The following TRMT9B variants were observed in gnomAD, a reference collection of about 807,000 sequenced individuals.
The protein encoded by TRMT9B is probable tRNA methyltransferase 9B.
A neutral mutation model predicts 11.5 loss-of-function variants in TRMT9B; 16 were observed. The observed-to-expected ratio is 1.39, with a 90% CI of 0.94 to 2.11. TRMT9B has a LOEUF of 2.11. Ranked by LOEUF, TRMT9B falls within the 30% of genes most tolerant of loss-of-function variation. The probability of loss-of-function intolerance (pLI) is 0.00; values close to 1 mark genes in which losing one functional copy is unlikely to be tolerated. For missense variants in TRMT9B, 941 were observed against 553.8 expected (o/e 1.70, Z -7.02); for synonymous variants, 274 against 192.4 (o/e 1.42, Z -3.51).
intron 4 of TRMT9B, among the ~76,000 whole-genome samples, chr8:13,019,365 C>T (rs897093744): frequency 6.6e-6 from 1 of 152,292 alleles, no homozygotes; most frequent in African/African-American, 2.4e-5. Context: ...GATCATGGCC[C>T]ACTGCAAACT....
At chr8:13,020,562 T>A (rs1388204206) in intron 4 of TRMT9B, among the ~76,000 whole-genome samples, 2 of 152,212 alleles carry the variant, frequency 1.3e-5, no homozygotes, top group Non-Finnish European at 2.9e-5. Flanking sequence ...GCTATTACTT[T>A]AGAAGTACAA....
At chr8:12,976,577 TA>T (rs1804487127) in intron 1 of TRMT9B, among the ~76,000 whole-genome samples, 1 of 151,832 alleles carries the variant, frequency 6.6e-6, no homozygotes, top group Non-Finnish European at 1.5e-5. Context: ...CTGTCTCTAC[TA>T]AAAATACAAA....
chr8:12,976,368 C>CT (rs34578022), intron 1 of TRMT9B, among the ~76,000 whole-genome samples: 59,378 of 149,368 alleles, frequency 0.4, 12,293 homozygotes, highest in Middle Eastern at 0.56. Context: ...TTATGCTTTA[C>CT]TTTTTTTTTT....
At chr8:13,001,465 C>T (rs1299241092) in intron 2 of TRMT9B, among the ~76,000 whole-genome samples, 1 of 152,124 alleles carries the variant, frequency 6.6e-6, no homozygotes, top group African/African-American at 2.4e-5. Context: ...TTTTATAAAC[C>T]ATCTTAGAAG....
intron 1 of TRMT9B, among the ~76,000 whole-genome samples, chr8:12,976,231 A>G (rs1585164053): frequency 6.6e-6 from 1 of 152,294 alleles, no homozygotes; most frequent in African/African-American, 2.4e-5. Context: ...TAACAAAGCC[A>G]CTTTCCCAGC....
At chr8:12,952,190 C>A in intron 1 of TRMT9B, 1 of 454,626 alleles carries the variant, frequency 2.2e-6, no homozygotes, top group Non-Finnish European at 4.4e-6. Context: ...CCACACCGTG[C>A]GGAAAGCGCC....
At chr8:13,009,565 A>G (rs1229231859) in intron 3 of TRMT9B, among the ~76,000 whole-genome samples, 3 of 152,102 alleles carry the variant, frequency 2.0e-5, no homozygotes, top group African/African-American at 7.2e-5. Flanking sequence ...GATCTTTTTG[A>G]GATGTTTTAT....
At position 12,990,442 on chromosome 8, in the gene TRMT9B, T is replaced by C. The variant is rs75100930; in HGVS notation, c.-199-392T>C. ...CTTATCAAAGTGACAAGAAAGTAGCTAGTAATATGGAAAATATTGAGCAGT... is the reference window on the plus strand; with the variant it reads ...CTTATCAAAGTGACAAGAAAGTAGCCAGTAATATGGAAAATATTGAGCAGT... On this transcript the variant is annotated intron_variant, in intron 1 of 4. Coordinates refer to ENST00000524591, the MANE Select transcript of TRMT9B (RefSeq NM_020844.3). Among the ~76,000 whole-genome samples the C allele has an allele frequency of 2.4e-3, 362 of 152,248 alleles. 7 individuals are homozygous for C. The East Asian group carries it at 0.044, about 19-fold the overall frequency.
At position 12,980,801 on chromosome 8, in the gene TRMT9B, A is replaced by T. The variant is rs550692800; in HGVS notation, c.-199-10033A>T. 1.5e-4 allele frequency among the ~76,000 whole-genome samples: 23 copies of T among 152,212 alleles called. 1 individual carries two copies. In the South Asian group the frequency reaches 1.7e-3, roughly 11 times the overall value. On this transcript the variant is annotated intron_variant, in intron 1 of 4. Coordinates refer to ENST00000524591, the MANE Select transcript of TRMT9B (RefSeq NM_020844.3). The stretch of plus-strand genomic sequence containing the variant: ...ATTCCAGGCAGAGAGGGAACAGACA[A>T]GCAAAAAGCATGAAGGTATCAAATG...
At chr8:13,011,508 G>T (rs1811606401) in intron 3 of TRMT9B, 2 of 968,846 alleles carry the variant, frequency 2.1e-6, no homozygotes, top group African/African-American at 1.8e-5. Flanking sequence ...ACAAATATAG[G>T]CTCTAATGAT....
In TRMT9B at chr8:12,989,317, C is replaced by T. The variant is rs555267518; in HGVS notation, c.-199-1517C>T. Among the ~76,000 whole-genome samples the T allele has an allele frequency of 1.6e-4, 24 of 152,280 alleles. 1 individual carries two copies. Among genetic ancestry groups the T allele is most frequent in the Admixed American group, 7.2e-4 (11 of 15,292 alleles). On this transcript the variant is annotated intron_variant, in intron 1 of 4. Coordinates refer to ENST00000524591, the MANE Select transcript of TRMT9B (RefSeq NM_020844.3). ...GAATTCAACTCCTTTTAGATATATA[C>T]GACCCCATTCTATCTTTGCCCAGTA...
chr8:13,015,033 T>G (rs945733991), intron 4 of TRMT9B, among the ~76,000 whole-genome samples: 1 of 151,330 alleles, frequency 6.6e-6, no homozygotes, highest in Non-Finnish European at 1.5e-5. Context: ...CACTCCAGCC[T>G]AAGCAACAGA....
At chr8:12,998,636 T>C (rs567947668) in intron 2 of TRMT9B, among the ~76,000 whole-genome samples, 4 of 152,362 alleles carry the variant, frequency 2.6e-5, no homozygotes, top group Admixed American at 2.0e-4. Context: ...CATTTAGTTA[T>C]AGCACCTCCT....
At chr8:12,952,559 AT>A in intron 1 of TRMT9B, 1 of 307,184 alleles carries the variant, frequency 3.3e-6, no homozygotes, top group Middle Eastern at 1.6e-3. Context: ...GTGGATTCGT[AT>A]TTTTTCATGG....
intron 1 of TRMT9B, 54 bp from the exon 2 acceptor site, chr8:12,990,780 C>G: frequency 2.6e-6 from 3 of 1,173,688 alleles, no homozygotes; most frequent in Non-Finnish European, 3.4e-6. Flanking sequence ...CTGTAGCTGG[C>G]TCCATATACA....
chr8:13,000,620 G>A (rs1477556113), intron 2 of TRMT9B, among the ~76,000 whole-genome samples: 5 of 152,060 alleles, frequency 3.3e-5, no homozygotes, highest in East Asian at 1.9e-4. Flanking sequence ...TCACATTTAC[G>A]ATTTCTTTTG....
intron 1 of TRMT9B, among the ~76,000 whole-genome samples, chr8:12,964,689 C>T (rs923064955): frequency 6.6e-6 from 1 of 152,166 alleles, no homozygotes; most frequent in Non-Finnish European, 1.5e-5. Flanking sequence ...ATCTTCCCTC[C>T]TTATCCTCCT....
chr8:12,979,324 C>A (rs1003818846), intron 1 of TRMT9B, among the ~76,000 whole-genome samples: 3 of 152,102 alleles, frequency 2.0e-5, no homozygotes, highest in Admixed American at 2.0e-4. Flanking sequence ...TTCTCAGTAA[C>A]CTAGAGTTTA....
At chr8:12,952,789 G>A in intron 1 of TRMT9B, 6 of 582,360 alleles carry the variant, frequency 1.0e-5, no homozygotes, top group Non-Finnish European at 1.3e-5. Context: ...ACCCAGGCTG[G>A]AGTGCAATGG....
Sources: allele counts gnomAD v4.1 joint callset (sites outside exome capture counted in the v4.1 genomes callset), GRCh38; gene constraint gnomAD v4.1.1; transcripts MANE v1.5; gene names NCBI Gene and HGNC (gene_info 2026-07-23, HGNC 2026-07-21).